Variants in MIER1 observed in about 807,000 individuals in gnomAD.
The protein encoded by MIER1 is MIER1 transcriptional regulator.
Under a neutral mutation model 75.7 loss-of-function variants are expected in MIER1, and 40 were observed. The ratio of observed to expected loss-of-function variants is 0.53; its 90% CI spans 0.41 to 0.69. The LOEUF (loss-of-function observed/expected upper bound fraction) is 0.69, where lower values mean the gene tolerates loss of function less well. Among genes scored for constraint, MIER1 ranks in the 30% least tolerant of loss-of-function variants. The probability of loss-of-function intolerance (pLI) is 0.00; values close to 1 mark genes in which losing one functional copy is unlikely to be tolerated. For missense variants in MIER1, 574 were observed against 680.2 expected (o/e 0.84, Z 1.74); for synonymous variants, 213 against 223.4 (o/e 0.95, Z 0.42).
chr1:66,966,290 G>A (rs915638173), intron 8 of MIER1, among the ~76,000 whole-genome samples: 8 of 152,028 alleles, frequency 5.3e-5, no homozygotes, highest in African/African-American at 1.7e-4. Flanking sequence ...GCAGTGTTTG[G>A]TTTTTTGTCC....
At position 66,985,395 on chromosome 1, in the gene MIER1, A is replaced by G; in HGVS notation, c.*495A>G. 1 of 983,880 alleles carries G rather than the reference A, an allele frequency of 1.0e-6. No individual in the cohort carries two copies. Among genetic ancestry groups the G allele is most frequent in the Non-Finnish European group, 1.2e-6 (1 of 828,390 alleles). 60.9% of individuals were successfully genotyped at this position (983,880 alleles called of 1,614,324 possible). A position where few individuals can be genotyped will look rare whatever the true frequency, so the allele number is the denominator to read the frequency against. On this transcript the variant is annotated 3_prime_UTR_variant, in exon 14 of 14. Transcript: ENST00000401041. ...CTCACCAAACAGTTTGAGTATCTTT[A>G]TTAAGGAAACCCTTACGAATCCTGA...
At chr1:66,949,214 C>T (rs998780334) in intron 4 of MIER1, among the ~76,000 whole-genome samples, 1 of 151,982 alleles carries the variant, frequency 6.6e-6, no homozygotes, top group Non-Finnish European at 1.5e-5. Flanking sequence ...AGCTAAAATA[C>T]TAATTAGCAA....
chr1:66,986,154 T>C lies in MIER1; in HGVS notation c.*1254T>C, dbSNP rs1666754554. On this transcript the variant is annotated 3_prime_UTR_variant, in exon 14 of 14. Coordinates refer to ENST00000401041, the MANE Select transcript of MIER1 (RefSeq NM_001077700.3). ...AAGAGAAAGTGAAGTTTGAAAACTT[T>C]TCAAACTTTTCTAGTTACAATCCAA... 1.7e-6 allele frequency: 2 copies of C among 1,183,468 alleles called. No homozygotes were observed. The highest frequency in any genetic ancestry group is 4.2e-5 in the East Asian group (1 of 24,076). The allele number at this position is 1,183,468 out of a possible 1,614,324, so 73.3% of individuals were successfully genotyped here.
chr1:66,936,452 C>T lies in MIER1; in HGVS notation c.169-3576C>T, dbSNP rs562760365. ...TTTGCCATGTTGGCCAGGCTGGTCT[C>T]GAACCCCTGACCTAGGGTGATCTGC... On this transcript the variant is annotated intron_variant, in intron 2 of 13. Coordinates refer to ENST00000401041, the MANE Select transcript of MIER1 (RefSeq NM_001077700.3). 1.9e-3 allele frequency among the ~76,000 whole-genome samples: 282 copies of T among 151,956 alleles called. 2 individuals are homozygous for T. Among genetic ancestry groups the T allele is most frequent in the African/African-American group, 6.2e-3 (258 of 41,486 alleles).
Position 66,985,089 on chromosome 1 carries a change from C to CT in MIER1, c.*193dup. On this transcript the variant is annotated 3_prime_UTR_variant, in exon 14 of 14. Coordinates refer to ENST00000401041, the MANE Select transcript of MIER1 (RefSeq NM_001077700.3). ...TTTTTTACTTTAAAGCTGTCAGACTCTTTTAAGGGTATTTTAAAAATTAGT... is the reference window on the plus strand; with the variant it reads ...TTTTTTACTTTAAAGCTGTCAGACTCTTTTTAAGGGTATTTTAAAAATTAGT... The CT allele has an allele frequency of 1.6e-6, 2 of 1,288,314 alleles. No homozygotes were observed. The highest frequency in any genetic ancestry group is 2.0e-6 in the Non-Finnish European group (2 of 1,013,080). The allele number at this position is 1,288,314 out of a possible 1,614,324, so 79.8% of individuals were successfully genotyped here.
chr1:66,934,028 TC>T (rs1191385650), intron 2 of MIER1, among the ~76,000 whole-genome samples: 1 of 152,234 alleles, frequency 6.6e-6, no homozygotes, highest in Non-Finnish European at 1.5e-5. Context: ...TGGGGCTTGT[TC>T]TGTTTGTCTT....
chr1:66,925,253 G>A (rs1373631368), intron 1 of MIER1, 158 bp downstream of exon 1: 1 of 983,460 alleles, frequency 1.0e-6, no homozygotes, highest in African/African-American at 1.7e-5. Flanking sequence ...GCCGCAGAAC[G>A]CGCCTGGCTT....
At chr1:66,925,360 C>T (rs1392465433) in intron 1 of MIER1, 15 of 985,316 alleles carry the variant, frequency 1.5e-5, no homozygotes, top group African/African-American at 1.7e-5. Flanking sequence ...GTGGTGGCGC[C>T]GCGCTGGGAA....
At chr1:66,973,042 C>G (rs1664014944) in intron 11 of MIER1, 51 bp downstream of exon 11, 1 of 932,994 alleles carries the variant, frequency 1.1e-6, no homozygotes, top group Non-Finnish European at 1.7e-6. Context: ...TTGAACAACT[C>G]AAATGGTCAT....
At chr1:66,980,479 A>G (rs1016645976) in intron 12 of MIER1, among the ~76,000 whole-genome samples, 6 of 152,180 alleles carry the variant, frequency 3.9e-5, no homozygotes, top group Non-Finnish European at 7.4e-5. Context: ...TTAAATCCCT[A>G]TAACCTAGGA....
chr1:66,968,048 A>AT (rs1290739341), intron 8 of MIER1, among the ~76,000 whole-genome samples: 1 of 152,058 alleles, frequency 6.6e-6, no homozygotes, highest in Non-Finnish European at 1.5e-5. Flanking sequence ...AATATTTTCC[A>AT]TTTTAACATG....
chr1:66,943,315 C>T (rs1490811126), intron 3 of MIER1, among the ~76,000 whole-genome samples: 2 of 152,212 alleles, frequency 1.3e-5, no homozygotes, highest in East Asian at 3.9e-4. Context: ...TACTAAGATG[C>T]ACTGCTAAAA....
In MIER1 at chr1:66,946,141, C is replaced by T; in HGVS notation, c.194-9C>T. ...GGTTTACCAAACTTTTTGAAATATT[C>T]CTTACCAGGAGGTTCAGCAACATCA... On this transcript the variant is annotated splice_polypyrimidine_tract_variant and intron_variant, in intron 3 of 13. Transcript: ENST00000401041. 6.3e-7 allele frequency: 1 copy of T among 1,593,234 alleles called. No homozygotes were observed. Among genetic ancestry groups the T allele is most frequent in the South Asian group, 1.2e-5 (1 of 85,650 alleles).
intron 2 of MIER1, chr1:66,930,373 A>T (rs2101036778): frequency 6.2e-7 from 1 of 1,607,340 alleles, no homozygotes; most frequent in South Asian, 1.1e-5. Flanking sequence ...CGGAGATGTG[A>T]CCCGGCAGTA....
At position 66,925,471 on chromosome 1, in the gene MIER1, T is replaced by A. The variant is rs548136645; in HGVS notation, c.67+376T>A. 4.1e-6 allele frequency: 4 copies of A among 985,310 alleles called. No homozygotes were observed. In the African/African-American group the frequency reaches 5.2e-5, roughly 13 times the overall value. The allele number at this position is 985,310 out of a possible 1,614,324, so 61.0% of individuals were successfully genotyped here. On this transcript the variant is annotated intron_variant, in intron 1 of 13. Transcript: ENST00000401041. ...ACCCTGCTGTGGCTCCGCCTCTTTC[T>A]CCTGTATTTCCCTCACTTGTGTCCC...
chr1:66,933,992 A>G (rs1319528615), intron 2 of MIER1, among the ~76,000 whole-genome samples: 1 of 152,220 alleles, frequency 6.6e-6, no homozygotes, highest in Non-Finnish European at 1.5e-5. Flanking sequence ...TGCAGTGATT[A>G]AATTGTTCAA....
intron 12 of MIER1, among the ~76,000 whole-genome samples, chr1:66,981,326 T>G (rs953170710): frequency 6.6e-6 from 1 of 152,190 alleles, no homozygotes; most frequent in Non-Finnish European, 1.5e-5. Flanking sequence ...ACCAAAAATA[T>G]CCAGGAAGGT....
Position 66,935,386 on chromosome 1 carries a change from CTG to C in MIER1, c.169-4638_169-4637del, listed in dbSNP as rs1654537104. Among the ~76,000 whole-genome samples the C allele has an allele frequency of 2.6e-5, 4 of 152,324 alleles. No individual in the cohort carries two copies. In the South Asian group the frequency reaches 8.3e-4, roughly 32 times the overall value. On this transcript the variant is annotated intron_variant, in intron 2 of 13. Coordinates refer to ENST00000401041, the MANE Select transcript of MIER1 (RefSeq NM_001077700.3). The stretch of plus-strand genomic sequence containing the variant: ...TAATTTGTTTTAGCCCATTCATACT[CTG>C]TGTACAGTCTTTCTGTCTCTCTAGT...
chr1:66,957,443 A>G (rs1025344943), intron 4 of MIER1, among the ~76,000 whole-genome samples: 1 of 152,212 alleles, frequency 6.6e-6, no homozygotes, highest in Admixed American at 6.5e-5. Context: ...CATCTATGAA[A>G]TGGAAATAAT....
Sources: gnomAD v4.1 joint callset for allele counts (sites outside exome capture counted in the v4.1 genomes callset) on GRCh38, gnomAD v4.1.1 for gene constraint, MANE v1.5 for transcripts, NCBI Gene and HGNC (gene_info 2026-07-23, HGNC 2026-07-21) for gene names.